The following METAP1 variants were observed in gnomAD, a reference collection of about 807,000 sequenced individuals.
METAP1 encodes the protein methionine aminopeptidase 1.
A neutral mutation model predicts 53.8 loss-of-function variants in METAP1; 28 were observed. That is an observed-to-expected ratio of 0.52 (90% CI 0.39 to 0.71). The LOEUF is 0.71. Among genes scored for constraint, METAP1 ranks in the 30% least tolerant of loss-of-function variants. METAP1 has a pLI of 0.00. For missense variants in METAP1, 389 were observed against 479.8 expected (o/e 0.81, Z 1.77); for synonymous variants, 181 against 165.7 (o/e 1.09, Z -0.71).
At chr4:99,020,870 A>G (rs1218101909) in intron 1 of METAP1, among the ~76,000 whole-genome samples, 1 of 152,060 alleles carries the variant, frequency 6.6e-6, no homozygotes, top group East Asian at 1.9e-4. Context: ...TAGTCCTTTC[A>G]TTTTCTTTCC....
intron 8 of METAP1, among the ~76,000 whole-genome samples, chr4:99,048,529 G>A (rs962294181): frequency 2.0e-5 from 3 of 151,990 alleles, no homozygotes; most frequent in Non-Finnish European, 2.9e-5. Context: ...ACCACTATGC[G>A]GGACTAATTT....
At chr4:98,996,098 G>A (rs1436681247) in intron 1 of METAP1, among the ~76,000 whole-genome samples, 2 of 152,154 alleles carry the variant, frequency 1.3e-5, no homozygotes, top group African/African-American at 4.8e-5. Context: ...GCCACCCGCC[G>A]CGGCCATGTG....
intron 1 of METAP1, 38 bp downstream of exon 1, chr4:98,995,905 G>A (rs1032706610): frequency 2.0e-6 from 3 of 1,475,356 alleles, no homozygotes; most frequent in Non-Finnish European, 2.8e-6. Context: ...CCGCCGCTGC[G>A]GGACCCCTCC....
intron 2 of METAP1, among the ~76,000 whole-genome samples, chr4:99,030,796 A>G (rs1176456323): frequency 2.0e-5 from 3 of 148,750 alleles, no homozygotes; most frequent in Non-Finnish European, 4.5e-5. Flanking sequence ...TTTTTTTTTT[A>G]AGTATAGTGT....
intron 1 of METAP1, among the ~76,000 whole-genome samples, chr4:98,999,677 A>T (rs1213615792): frequency 1.3e-5 from 2 of 149,902 alleles, no homozygotes; most frequent in East Asian, 3.9e-4. Context: ...CGCCTGGCTA[A>T]TTTTTTTGTA....
At chr4:99,057,710 T>G (rs957595995) in intron 9 of METAP1, 43 bp from the exon 10 acceptor site, 10 of 1,453,598 alleles carry the variant, frequency 6.9e-6, no homozygotes, top group African/African-American at 1.4e-5. Context: ...AACAGTACAC[T>G]GTTGGTTTTG....
At position 99,035,473 on chromosome 4, in the gene METAP1, A is replaced by ATG. The variant is rs1201310888; in HGVS notation, c.340+15_340+16dup. 4 of 1,528,754 alleles carry ATG rather than the reference A, an allele frequency of 2.6e-6. No homozygotes were observed. The South Asian group carries it at 4.8e-5, about 18-fold the overall frequency. 94.7% of individuals were successfully genotyped at this position (1,528,754 alleles called of 1,614,324 possible). Reference sequence around the variant, plus strand: ...GATCATCCCTTAGGTAAGCTCTGCTATGTTGATTCTTCATTTTTCAATTTG... The same window carrying ATG: ...GATCATCCCTTAGGTAAGCTCTGCTATGTGTTGATTCTTCATTTTTCAATTTG... On this transcript the variant is annotated intron_variant, in intron 4 of 10. Coordinates refer to ENST00000296411, the MANE Select transcript of METAP1 (RefSeq NM_015143.3).
At chr4:99,058,646 T>C (rs1727317628) in intron 10 of METAP1, among the ~76,000 whole-genome samples, 1 of 152,206 alleles carries the variant, frequency 6.6e-6, no homozygotes, top group South Asian at 2.1e-4. Flanking sequence ...ACTCCCTCTC[T>C]TGATCCTTCC....
At position 99,061,239 on chromosome 4, in the gene METAP1, C is replaced by T. The variant is rs1037265839; in HGVS notation, c.1083C>T (p.Leu361=). 1.2e-6 allele frequency: 2 copies of T among 1,613,870 alleles called. No homozygotes were observed. The highest frequency in any genetic ancestry group is 2.7e-5 in the African/African-American group (2 of 74,932). The change falls in exon 11 of 11, where the codon CTC becomes CTT. Residue 361 remains leucine (L), a synonymous_variant. Transcript: ENST00000296411. ...GGTCTGCTCAGTTTGAGCACACCCT[C>T]CTGGTCACAGACACTGGCTGTGAAA... The part of the protein sequence containing the change: ...GKRSAQFEHT[L]LVTDTGCEIL...
chr4:99,010,854 G>T (rs1723433043), intron 1 of METAP1, among the ~76,000 whole-genome samples: 1 of 152,024 alleles, frequency 6.6e-6, no homozygotes, highest in Non-Finnish European at 1.5e-5. Context: ...ACGTGTTGTA[G>T]TTTGCATTAT....
chr4:99,051,800 A>G (rs1295546241), intron 9 of METAP1, among the ~76,000 whole-genome samples: 1 of 151,894 alleles, frequency 6.6e-6, no homozygotes, highest in Non-Finnish European at 1.5e-5. Flanking sequence ...TAGCAGAGAT[A>G]TCTTTTGAAA....
intron 1 of METAP1, chr4:99,022,252 A>G (rs888554622): frequency 9.7e-5 from 47 of 486,726 alleles, no homozygotes; most frequent in African/African-American, 7.8e-4. Context: ...TGATCATTCT[A>G]TTATGAGGTA....
intron 9 of METAP1, among the ~76,000 whole-genome samples, chr4:99,053,537 G>GCCA (rs1375937275): frequency 6.6e-6 from 1 of 152,204 alleles, no homozygotes; most frequent in Non-Finnish European, 1.5e-5. Context: ...ACAGGCGTGT[G>GCCA]CCACCACACC....
At chr4:99,014,362 A>T (rs1305601066) in intron 1 of METAP1, among the ~76,000 whole-genome samples, 2 of 152,220 alleles carry the variant, frequency 1.3e-5, no homozygotes, top group Non-Finnish European at 2.9e-5. Context: ...TTTCTCAGCT[A>T]GCATCATATC....
chr4:99,033,013 G>T (rs1049507722), intron 2 of METAP1, among the ~76,000 whole-genome samples: 1 of 151,914 alleles, frequency 6.6e-6, no homozygotes, highest in Non-Finnish European at 1.5e-5. Flanking sequence ...TTGCATTCTT[G>T]TCAGTTGTAC....
intron 1 of METAP1, among the ~76,000 whole-genome samples, chr4:99,011,942 AAAAACAAAAC>A (rs201104558): frequency 1.4e-4 from 22 of 152,168 alleles, no homozygotes; most frequent in African/African-American, 2.2e-4. Context: ...CTCCATCTCA[AAAAACAAAAC>A]AAAACAAAAC....
At chr4:99,048,561 G>A (rs1726443587) in intron 8 of METAP1, among the ~76,000 whole-genome samples, 172 bp from the exon 9 acceptor site, 1 of 152,070 alleles carries the variant, frequency 6.6e-6, no homozygotes, top group African/African-American at 2.4e-5. Flanking sequence ...GCAGAGACAG[G>A]GCTTTGCCCT....
intron 4 of METAP1, 76 bp from the exon 5 acceptor site, chr4:99,039,298 A>G (rs1725673104): frequency 1.2e-6 from 1 of 828,320 alleles, no homozygotes; most frequent in Admixed American, 2.1e-5. Flanking sequence ...TTTTTATGCC[A>G]CAGGTTTATA....
chr4:99,003,451 A>G (rs781181254), intron 1 of METAP1, among the ~76,000 whole-genome samples: 1 of 152,090 alleles, frequency 6.6e-6, no homozygotes, highest in Non-Finnish European at 1.5e-5. Flanking sequence ...TTGTCTTCTG[A>G]GTGGGGATTT....
Sources: gnomAD v4.1 joint callset for allele counts (sites outside exome capture counted in the v4.1 genomes callset) on GRCh38, gnomAD v4.1.1 for gene constraint, MANE v1.5 for transcripts, NCBI Gene and HGNC (gene_info 2026-07-23, HGNC 2026-07-21) for gene names.